Variants in AGAP1 observed in about 807,000 individuals in gnomAD.
The protein encoded by AGAP1 is arf-GAP with GTPase, ANK repeat and PH domain-containing protein 1.
AGAP1 carries 29 observed loss-of-function variants against 105.3 expected under a neutral mutation model. That is an observed-to-expected ratio of 0.28 (90% CI 0.21 to 0.38). The LOEUF (loss-of-function observed/expected upper bound fraction) is 0.38. AGAP1 is among the 10% of genes least tolerant of loss of function. AGAP1 has a pLI of 1.00. For missense variants in AGAP1, 998 were observed against 1,165.1 expected (o/e 0.86, Z 2.09); for synonymous variants, 509 against 485.9 (o/e 1.05, Z -0.63).
intron 1 of AGAP1, among the ~76,000 whole-genome samples, chr2:235,529,432 C>T (rs1942969051): frequency 6.6e-6 from 1 of 152,146 alleles, no homozygotes; most frequent in Non-Finnish European, 1.5e-5. Context: ...GTTTGGTGTC[C>T]AGGGGTGCCT....
At chr2:235,757,116 C>T (rs980412139) in intron 6 of AGAP1, among the ~76,000 whole-genome samples, 1 of 152,176 alleles carries the variant, frequency 6.6e-6, no homozygotes, top group Non-Finnish European at 1.5e-5. Flanking sequence ...ATAGGAAAAC[C>T]TACATGCAGA....
chr2:236,097,497 A>C (rs2059222071), intron 16 of AGAP1, among the ~76,000 whole-genome samples: 1 of 137,370 alleles, frequency 7.3e-6, no homozygotes, highest in South Asian at 2.4e-4. Context: ...GGTTCAAGTG[A>C]TTCCCCTACC....
intron 1 of AGAP1, among the ~76,000 whole-genome samples, chr2:235,524,911 G>A (rs989575974): frequency 2.0e-5 from 3 of 152,192 alleles, no homozygotes; most frequent in African/African-American, 7.2e-5. Context: ...AATTCTTTGT[G>A]CAGATTCTAG....
chr2:236,026,256 G>A (rs987323092), intron 13 of AGAP1, among the ~76,000 whole-genome samples: 8 of 152,194 alleles, frequency 5.3e-5, no homozygotes, highest in African/African-American at 1.9e-4. Context: ...AGTGGCCAGG[G>A]ACATCACGTG....
At chr2:235,950,821 G>A (rs569414732) in intron 12 of AGAP1, among the ~76,000 whole-genome samples, 2 of 149,074 alleles carry the variant, frequency 1.3e-5, no homozygotes, top group African/African-American at 4.9e-5. Flanking sequence ...CTGTATTAAC[G>A]AAATTTTAGC....
At chr2:236,029,602 A>G (rs1259533134) in intron 13 of AGAP1, among the ~76,000 whole-genome samples, 2 of 152,070 alleles carry the variant, frequency 1.3e-5, no homozygotes, top group African/African-American at 4.8e-5. Flanking sequence ...TATATCATTT[A>G]GTAATTTCCC....
chr2:235,514,308 A>G (rs945576041), intron 1 of AGAP1, among the ~76,000 whole-genome samples: 13 of 152,266 alleles, frequency 8.5e-5, no homozygotes, highest in Non-Finnish European at 1.5e-4. Flanking sequence ...ATAGCTCACT[A>G]GGGCTTTTAG....
Position 235,744,808 on chromosome 2 carries a change from C to A in AGAP1, c.507C>A (p.Ser169Arg). 6.2e-7 allele frequency: 1 copy of A among 1,613,964 alleles called. No individual in the cohort carries two copies. Among genetic ancestry groups the A allele is most frequent in the South Asian group, 1.1e-5 (1 of 91,072 alleles). Reference sequence around the variant, plus strand: ...GAATGGCCAACTATCGGAACACGAGCGAGATTCCTCTGGTTCTGGTGGGAA... The same window carrying A: ...GAATGGCCAACTATCGGAACACGAGAGAGATTCCTCTGGTTCTGGTGGGAA... ...YSRMANYRNT[S>R]EIPLVLVGTQ... is the part of the protein sequence containing the mutation. The change falls in exon 5 of 18, where the codon AGC (serine) becomes AGA (arginine). Residue 169 changes from serine to arginine, a missense_variant. Transcript: ENST00000304032. The surrounding 1 kb of genome is among the most constrained non-coding windows in gnomAD (Gnocchi z 5.2).
In AGAP1 at chr2:235,830,424, C is replaced by T. The variant is rs550333990; in HGVS notation, c.1050+23093C>T. Among the ~76,000 whole-genome samples, 6 of 152,342 alleles carry T rather than the reference C, an allele frequency of 3.9e-5. No homozygotes were observed. The East Asian group carries it at 1.2e-3, about 29-fold the overall frequency. On this transcript the variant is annotated intron_variant, in intron 9 of 17. Coordinates refer to ENST00000304032, the MANE Select transcript of AGAP1 (RefSeq NM_001037131.3). The surrounding 1 kb of genome is among the most constrained non-coding windows in gnomAD (Gnocchi z 5.5). Reference sequence around the variant, plus strand: ...GGCCAGTGAATTTTCTGATTGCAGGCACTTCAAAGCCGTCAGTTCCATTCA... The same window carrying T: ...GGCCAGTGAATTTTCTGATTGCAGGTACTTCAAAGCCGTCAGTTCCATTCA...
rs1948002226 is a variant in AGAP1 at position 235,662,714 on chromosome 2, T to C, written c.164-46465T>C. ...ACAGAGGAAAGATAGCACAGTGTCATAACTCAGCAAAGGTGCTCAGCAGCT... is the reference window on the plus strand; with the variant it reads ...ACAGAGGAAAGATAGCACAGTGTCACAACTCAGCAAAGGTGCTCAGCAGCT... On this transcript the variant is annotated intron_variant, in intron 1 of 17. Transcript: ENST00000304032. The surrounding 1 kb of genome is among the most constrained non-coding windows in gnomAD (Gnocchi z 4.2). Among the ~76,000 whole-genome samples the C allele has an allele frequency of 6.6e-6, 1 of 152,112 alleles. No homozygotes were observed. Among genetic ancestry groups the C allele is most frequent in the African/African-American group, 2.4e-5 (1 of 41,426 alleles).
intron 1 of AGAP1, chr2:235,524,537 T>C (rs901047594): frequency 9.0e-6 from 3 of 332,162 alleles, no homozygotes; most frequent in African/African-American, 2.2e-5. Context: ...CCAGCCCCCA[T>C]GGGTAAGTAT....
At chr2:235,813,753 C>G (rs1028637950) in intron 9 of AGAP1, among the ~76,000 whole-genome samples, 2 of 152,248 alleles carry the variant, frequency 1.3e-5, no homozygotes, top group East Asian at 3.9e-4. Flanking sequence ...ATTGCAAGGA[C>G]AGAGGGTTTC....
At position 235,919,260 on chromosome 2, in the gene AGAP1, G is replaced by A. The variant is rs956885517; in HGVS notation, c.1324+10354G>A. The stretch of plus-strand genomic sequence containing the variant: ...GTTCTTCCAGGCTAGAGTTGAGTCC[G>A]TGGCTTCCCTGCTTCCTGCAGTCCT... On this transcript the variant is annotated intron_variant, in intron 11 of 17. Transcript: ENST00000304032. The surrounding 1 kb of genome is among the most constrained non-coding windows in gnomAD (Gnocchi z 4.1). Among the ~76,000 whole-genome samples the A allele has an allele frequency of 9.2e-5, 14 of 152,318 alleles. No individual in the cohort carries two copies. Among genetic ancestry groups the A allele is most frequent in the African/African-American group, 2.9e-4 (12 of 41,568 alleles).
chr2:236,057,884 T>C (rs1293791127), intron 16 of AGAP1, among the ~76,000 whole-genome samples: 3 of 152,220 alleles, frequency 2.0e-5, no homozygotes, highest in Non-Finnish European at 4.4e-5. Flanking sequence ...ATCCAGAAGA[T>C]ACAATCAGCT....
intron 10 of AGAP1, among the ~76,000 whole-genome samples, chr2:235,897,634 C>G (rs1036583506): frequency 3.3e-5 from 5 of 151,994 alleles, no homozygotes; most frequent in African/African-American, 4.8e-5. Context: ...TTGGCCTTTT[C>G]GTGTTACTCA....
rs1377571823 is a variant in AGAP1, at chr2:236,062,977, G to T, written c.2114+13696G>T. ...GCCTGGCCATCAGCTATTTTTTTAAGAGATGGGGGTCTCACTATGTTGCCC... is the reference window on the plus strand; with the variant it reads ...GCCTGGCCATCAGCTATTTTTTTAATAGATGGGGGTCTCACTATGTTGCCC... On this transcript the variant is annotated intron_variant, in intron 16 of 17. Coordinates refer to ENST00000304032, the MANE Select transcript of AGAP1 (RefSeq NM_001037131.3). This position sits in a 1 kb window ranked among gnomAD's most constrained non-coding sequence, Gnocchi z 4.2. Among the ~76,000 whole-genome samples the T allele has an allele frequency of 6.6e-6, 1 of 152,096 alleles. No individual in the cohort carries two copies. Among genetic ancestry groups the T allele is most frequent in the East Asian group, 1.9e-4 (1 of 5,164 alleles).
rs541191930 is a variant in AGAP1 at position 235,991,655 on chromosome 2, G to A, written c.1645+23032G>A. On this transcript the variant is annotated intron_variant, in intron 13 of 17. Transcript: ENST00000304032. ...CCAGCAATTGGAAAAAGACATGAGC[G>A]TTTAATACTGGGCGTTCTTTCTAAG... is the stretch of plus-strand genomic sequence containing the variant. Among the ~76,000 whole-genome samples the A allele has an allele frequency of 3.3e-5, 5 of 152,320 alleles. No homozygotes were observed. The East Asian group carries it at 7.7e-4, about 24-fold the overall frequency.
chr2:235,559,289 T>C lies in AGAP1; in HGVS notation c.163+64440T>C, dbSNP rs553361370. On this transcript the variant is annotated intron_variant, in intron 1 of 17. Coordinates refer to ENST00000304032, the MANE Select transcript of AGAP1 (RefSeq NM_001037131.3). This position sits in a 1 kb window ranked among gnomAD's most constrained non-coding sequence, Gnocchi z 5.7. The stretch of plus-strand genomic sequence containing the variant: ...TATAAAAATACGATGAAGGGGTGAT[T>C]TGGGTGTCCCAAGACTGTTTGGAAG... Among the ~76,000 whole-genome samples, 9 of 152,110 alleles carry C rather than the reference T, an allele frequency of 5.9e-5. No individual in the cohort carries two copies. Among genetic ancestry groups the C allele is most frequent in the Non-Finnish European group, 1.2e-4 (8 of 68,024 alleles).
intron 9 of AGAP1, among the ~76,000 whole-genome samples, chr2:235,844,495 A>G (rs1961241196): frequency 6.6e-6 from 1 of 152,184 alleles, no homozygotes; most frequent in Non-Finnish European, 1.5e-5. Context: ...TCTATTATGC[A>G]CTTTTGGGGG....
Sources: allele counts gnomAD v4.1 joint callset (sites outside exome capture counted in the v4.1 genomes callset), GRCh38; gene constraint gnomAD v4.1.1; non-coding constraint Gnocchi (gnomAD v3.1); transcripts MANE v1.5; gene names NCBI Gene and HGNC (gene_info 2026-07-23, HGNC 2026-07-21).